CNTNAP5: variants seen among roughly 807,000 people sequenced by gnomAD.
The protein encoded by CNTNAP5 is contactin-associated protein-like 5.
Under a neutral mutation model 150.2 loss-of-function variants are expected in CNTNAP5, and 72 were observed. The ratio of observed to expected loss-of-function variants is 0.48; its 90% CI spans 0.40 to 0.58. The LOEUF (loss-of-function observed/expected upper bound fraction) is 0.58, where lower values mean the gene tolerates loss of function less well. CNTNAP5 is among the 20% of genes least tolerant of loss of function. The pLI, the probability that CNTNAP5 is intolerant of heterozygous loss-of-function variation, is 0.00. For missense variants in CNTNAP5, 1,636 were observed against 1,626.2 expected (o/e 1.01, Z -0.10); for synonymous variants, 672 against 619.8 (o/e 1.08, Z -1.25).
chr2:124,806,936 A>G (rs1483620172), intron 19 of CNTNAP5, among the ~76,000 whole-genome samples: 1 of 148,812 alleles, frequency 6.7e-6, no homozygotes, highest in African/African-American at 2.5e-5. Context: ...TTTTTAAGCC[A>G]GGGATAAAGA....
intron 2 of CNTNAP5, among the ~76,000 whole-genome samples, chr2:124,230,506 GT>G (rs1488473965): frequency 1.3e-5 from 2 of 150,554 alleles, no homozygotes; most frequent in African/African-American, 4.9e-5. Context: ...GTGTGTGTGT[GT>G]GTGTGTATAT....
chr2:124,361,170 A>G lies in CNTNAP5; in HGVS notation c.382-56273A>G, dbSNP rs983338552. 2.0e-5 allele frequency among the ~76,000 whole-genome samples: 3 copies of G among 147,426 alleles called. No homozygotes were observed. In the South Asian group the frequency reaches 6.6e-4, roughly 32 times the overall value. ...GGGTTTCAGCTCCATCAGCTCCTTT[A>G]AGCACTTCTCTGTATTGGTTATTCT... On this transcript the variant is annotated intron_variant, in intron 3 of 23. Transcript: ENST00000682447.
intron 13 of CNTNAP5, 99 bp from the exon 14 acceptor site, chr2:124,747,130 C>T (rs1023626979): frequency 9.0e-7 from 1 of 1,111,278 alleles, no homozygotes; most frequent in Non-Finnish European, 1.3e-6. Flanking sequence ...TATCTATATA[C>T]ATCTATTCTC....
chr2:124,184,179 C>G (rs1389145198), intron 1 of CNTNAP5, among the ~76,000 whole-genome samples: 1 of 152,098 alleles, frequency 6.6e-6, no homozygotes, highest in Non-Finnish European at 1.5e-5. Context: ...GTCTACAAGA[C>G]TGAAAGCTTA....
chr2:124,672,411 A>G (rs1291643598), intron 13 of CNTNAP5, among the ~76,000 whole-genome samples: 1 of 152,168 alleles, frequency 6.6e-6, no homozygotes. Context: ...AATTTTTGTA[A>G]AATTTTTTAC....
chr2:124,442,887 A>G (rs548619057), intron 5 of CNTNAP5, among the ~76,000 whole-genome samples: 1 of 152,290 alleles, frequency 6.6e-6, no homozygotes, highest in Non-Finnish European at 1.5e-5. Flanking sequence ...GCATATTAAA[A>G]TTTCAGAAAT....
At chr2:124,655,999 A>AGGAAGG (rs1553427837) in intron 13 of CNTNAP5, among the ~76,000 whole-genome samples, 2 of 90,642 alleles carry the variant, frequency 2.2e-5, no homozygotes, top group African/African-American at 8.3e-5. Flanking sequence ...AAGAAAGAAA[A>AGGAAGG]AAGGAAGGAA....
At chr2:124,137,763 A>G (rs987317177) in intron 1 of CNTNAP5, among the ~76,000 whole-genome samples, 1 of 152,168 alleles carries the variant, frequency 6.6e-6, no homozygotes, top group Non-Finnish European at 1.5e-5. Context: ...TTGAAGAGAT[A>G]CCAAGATGTG....
intron 1 of CNTNAP5, among the ~76,000 whole-genome samples, chr2:124,177,458 G>A (rs958134554): frequency 4.6e-5 from 7 of 151,998 alleles, no homozygotes; most frequent in African/African-American, 1.7e-4. Flanking sequence ...CTATTAGGTA[G>A]AACAGGTCTG....
At chr2:124,292,175 T>C (rs1688311344) in intron 3 of CNTNAP5, among the ~76,000 whole-genome samples, 1 of 152,142 alleles carries the variant, frequency 6.6e-6, no homozygotes, top group South Asian at 2.1e-4. Context: ...GTGCTTTATT[T>C]AGTTTTATCT....
chr2:124,537,536 A>G (rs1695267618), intron 10 of CNTNAP5, among the ~76,000 whole-genome samples: 1 of 152,136 alleles, frequency 6.6e-6, no homozygotes, highest in African/African-American at 2.4e-5. Context: ...GGGGAATAGA[A>G]GAAACTGGGA....
chr2:124,692,381 T>G lies in CNTNAP5; in HGVS notation c.2077+44423T>G, dbSNP rs537658938. Among the ~76,000 whole-genome samples, 3 of 152,258 alleles carry G rather than the reference T, an allele frequency of 2.0e-5. No individual in the cohort carries two copies. The East Asian group carries it at 5.8e-4, about 29-fold the overall frequency. On this transcript the variant is annotated intron_variant, in intron 13 of 23. Coordinates refer to ENST00000682447, the MANE Select transcript of CNTNAP5 (RefSeq NM_001367498.1). ...TGCACTACTGAGGGGAGTTGAGTAG[T>G]TGTGTCTGAGACCATATGGCTTGCA...
At chr2:124,095,592 C>G (rs1682916580) in intron 1 of CNTNAP5, among the ~76,000 whole-genome samples, 1 of 152,176 alleles carries the variant, frequency 6.6e-6, no homozygotes, top group African/African-American at 2.4e-5. Context: ...TGGAAGCTAA[C>G]CCTACTATCC....
intron 3 of CNTNAP5, among the ~76,000 whole-genome samples, chr2:124,305,407 C>G (rs1213137046): frequency 6.6e-6 from 1 of 152,182 alleles, no homozygotes; most frequent in East Asian, 1.9e-4. Context: ...AAGTGTTTCT[C>G]ATGAGTATTG....
intron 1 of CNTNAP5, among the ~76,000 whole-genome samples, chr2:124,046,658 A>T (rs1328257334): frequency 6.6e-6 from 1 of 152,198 alleles, no homozygotes; most frequent in Non-Finnish European, 1.5e-5. Flanking sequence ...GCAAGAAAAG[A>T]AGACGATTGG....
chr2:124,055,523 C>T (rs975477263), intron 1 of CNTNAP5, among the ~76,000 whole-genome samples: 4 of 152,102 alleles, frequency 2.6e-5, no homozygotes, highest in African/African-American at 9.7e-5. Context: ...ATGAATACTC[C>T]CCAGAATGTT....
intron 23 of CNTNAP5, among the ~76,000 whole-genome samples, chr2:124,912,353 A>T (rs1022337050): frequency 2.0e-5 from 3 of 152,008 alleles, no homozygotes; most frequent in African/African-American, 7.2e-5. Context: ...CTCTCCATTT[A>T]GCTTATATTT....
chr2:124,291,353 C>T (rs1377663876), intron 3 of CNTNAP5, among the ~76,000 whole-genome samples: 1 of 151,824 alleles, frequency 6.6e-6, no homozygotes, highest in Non-Finnish European at 1.5e-5. Context: ...TTTATGATAC[C>T]TTCTTCATTC....
chr2:124,254,459 T>C (rs896567986), intron 3 of CNTNAP5, among the ~76,000 whole-genome samples: 1 of 152,188 alleles, frequency 6.6e-6, no homozygotes, highest in Non-Finnish European at 1.5e-5. Flanking sequence ...TGGGTGATGC[T>C]GCTAAGCATG....
Sources: gnomAD v4.1 joint callset for allele counts (sites outside exome capture counted in the v4.1 genomes callset) on GRCh38, gnomAD v4.1.1 for gene constraint, MANE v1.5 for transcripts, NCBI Gene and HGNC (gene_info 2026-07-23, HGNC 2026-07-21) for gene names.